Variants in MIPEP observed in about 807,000 individuals in gnomAD.
The protein encoded by MIPEP is mitochondrial intermediate peptidase.
MIPEP carries 79 observed loss-of-function variants against 90.3 expected under a neutral mutation model. That is an observed-to-expected ratio of 0.87 (90% CI 0.73 to 1.05). The LOEUF (loss-of-function observed/expected upper bound fraction) is 1.05, where lower values mean the gene tolerates loss of function less well. Among genes scored for constraint, MIPEP ranks in the 50% least tolerant of loss-of-function variants. The pLI is 0.00. For missense variants in MIPEP, 940 were observed against 905.6 expected (o/e 1.04, Z -0.49); for synonymous variants, 334 against 315.8 (o/e 1.06, Z -0.61).
chr13:23,785,972 A>AGTGAGG, intron 16 of MIPEP, among the ~76,000 whole-genome samples: 1 of 152,296 alleles, frequency 6.6e-6, no homozygotes, highest in African/African-American at 2.4e-5. Flanking sequence ...TAATCCTAGC[A>AGTGAGG]CTTTGGGAGG....
intron 16 of MIPEP, among the ~76,000 whole-genome samples, chr13:23,775,174 A>G (rs1952702246): frequency 1.3e-5 from 2 of 150,632 alleles, no homozygotes; most frequent in African/African-American, 4.9e-5. Context: ...AGGATTTTCT[A>G]TATACAAGAT....
intron 10 of MIPEP, among the ~76,000 whole-genome samples, chr13:23,846,433 A>G (rs1389320752): frequency 1.3e-5 from 2 of 152,178 alleles, no homozygotes; most frequent in Non-Finnish European, 2.9e-5. Flanking sequence ...AGGAAGTTCA[A>G]TATAGTTTGT....
intron 14 of MIPEP, among the ~76,000 whole-genome samples, chr13:23,820,903 G>A (rs1348942615): frequency 6.6e-6 from 1 of 152,204 alleles, no homozygotes; most frequent in Non-Finnish European, 1.5e-5. Context: ...TCTCCTCAAT[G>A]CATTAGCAGA....
chr13:23,870,374 A>G (rs189008061), intron 5 of MIPEP, among the ~76,000 whole-genome samples, 179 bp from the exon 6 acceptor site: 1 of 139,982 alleles, frequency 7.1e-6, no homozygotes, highest in Non-Finnish European at 1.5e-5. Context: ...TATTAATTTT[A>G]CTTTTAACAG....
At position 23,744,973 on chromosome 13, in the gene MIPEP, G is replaced by A. The variant is rs1165890335; in HGVS notation, c.2044+11572C>T. On this transcript the variant is annotated intron_variant, in intron 18 of 18. Coordinates refer to ENST00000382172, the MANE Select transcript of MIPEP (RefSeq NM_005932.4). ...CTTTTAAGAATTTTGTTAAAGCTCA[G>A]TTTTATTTAAACTGCTAGAAAGGGA... Among the ~76,000 whole-genome samples, 6 of 152,296 alleles carry A rather than the reference G, an allele frequency of 3.9e-5. No homozygotes were observed. The East Asian group carries it at 5.8e-4, about 15-fold the overall frequency.
At chr13:23,855,594 T>A (rs1165447753) in intron 10 of MIPEP, among the ~76,000 whole-genome samples, 6 of 152,200 alleles carry the variant, frequency 3.9e-5, no homozygotes, top group Non-Finnish European at 8.8e-5. Flanking sequence ...AAACCCAACC[T>A]ATGATATTTT....
In MIPEP at chr13:23,869,293, T is replaced by G; in HGVS notation, c.942A>C (p.Pro314=). 6.3e-7 allele frequency: 1 copy of G among 1,587,854 alleles called. No individual in the cohort carries two copies. The highest frequency in any genetic ancestry group is 8.5e-7 in the Non-Finnish European group (1 of 1,171,550). The part of the protein sequence containing the change: ...RALQGTIAKN[P]ETVMQFLEKL... ...TAAATGTTGGATAAACAGGCTTACC[T>G]GGATTTTTAGCTATCGTTCCTTGGA... The change falls in exon 7 of 19, where the codon CCA becomes CCC. Residue 314 remains proline (P), a splice_region_variant and synonymous_variant. Transcript: ENST00000382172.
chr13:23,885,566 T>C (rs1015154074), intron 2 of MIPEP, among the ~76,000 whole-genome samples: 2 of 151,954 alleles, frequency 1.3e-5, no homozygotes, highest in African/African-American at 4.8e-5. Context: ...CTCATGAATA[T>C]ATACATGTAC....
At chr13:23,829,683 T>A (rs1210434921) in intron 14 of MIPEP, among the ~76,000 whole-genome samples, 1 of 152,154 alleles carries the variant, frequency 6.6e-6, no homozygotes, top group Non-Finnish European at 1.5e-5. Flanking sequence ...GGCACATGAC[T>A]GTAGTCCCAG....
In MIPEP at chr13:23,754,151, G is replaced by A. The variant is rs529428163; in HGVS notation, c.2044+2394C>T. On this transcript the variant is annotated intron_variant, in intron 18 of 18. Coordinates refer to ENST00000382172, the MANE Select transcript of MIPEP (RefSeq NM_005932.4). The stretch of plus-strand genomic sequence containing the variant: ...GTATGCTTTTACATTACAAATCTCA[G>A]TAATTTCACCCATCACTCCTGGTAA... 2.0e-5 allele frequency among the ~76,000 whole-genome samples: 3 copies of A among 152,208 alleles called. No homozygotes were observed. The East Asian group carries it at 5.8e-4, about 29-fold the overall frequency.
chr13:23,780,508 A>G (rs1565991682), intron 16 of MIPEP, among the ~76,000 whole-genome samples: 1 of 152,220 alleles, frequency 6.6e-6, no homozygotes, highest in Non-Finnish European at 1.5e-5. Flanking sequence ...TGAGGAAAAA[A>G]CAGAGCAGAA....
intron 18 of MIPEP, among the ~76,000 whole-genome samples, chr13:23,752,123 C>A (rs1952447782): frequency 6.6e-6 from 1 of 152,158 alleles, no homozygotes; most frequent in South Asian, 2.1e-4. Context: ...GACAATATGA[C>A]CTGTGTTATA....
chr13:23,746,163 T>C (rs1952381211), intron 18 of MIPEP, among the ~76,000 whole-genome samples: 1 of 150,820 alleles, frequency 6.6e-6, no homozygotes, highest in South Asian at 2.1e-4. Flanking sequence ...TATACGTACA[T>C]GGACCACAGC....
chr13:23,744,150 C>G (rs895736147), intron 18 of MIPEP, among the ~76,000 whole-genome samples: 1 of 152,136 alleles, frequency 6.6e-6, no homozygotes, highest in Non-Finnish European at 1.5e-5. Context: ...GCGTTCATGC[C>G]TTTACATTCA....
At chr13:23,828,460 A>G (rs1868577685) in intron 14 of MIPEP, among the ~76,000 whole-genome samples, 1 of 152,256 alleles carries the variant, frequency 6.6e-6, no homozygotes, top group Admixed American at 6.5e-5. Context: ...CTGTGAATTA[A>G]TAAGAAAGTT....
intron 16 of MIPEP, among the ~76,000 whole-genome samples, chr13:23,773,932 TA>T (rs889121762): frequency 2.0e-5 from 3 of 152,050 alleles, no homozygotes; most frequent in Non-Finnish European, 2.9e-5. Context: ...CCCATTAAAA[TA>T]AAAAAAATCT....
At chr13:23,839,006 C>T (rs761338483) in intron 12 of MIPEP, among the ~76,000 whole-genome samples, 29 of 152,168 alleles carry the variant, frequency 1.9e-4, no homozygotes, top group Non-Finnish European at 3.7e-4. Flanking sequence ...TCTGTTATAA[C>T]TTATAACCTA....
intron 15 of MIPEP, among the ~76,000 whole-genome samples, chr13:23,806,708 A>C (rs9510866): frequency 0.36 from 54,273 of 148,964 alleles, 10,612 homozygotes; most frequent in African/African-American, 0.52. Flanking sequence ...ACAACAACAA[A>C]AAAATCTATA....
intron 16 of MIPEP, among the ~76,000 whole-genome samples, chr13:23,776,492 A>C (rs527934335): frequency 2.0e-5 from 3 of 152,226 alleles, no homozygotes; most frequent in Non-Finnish European, 4.4e-5. Context: ...CTCTATTTAT[A>C]ATAGTGTTCT....
Sources: gnomAD v4.1 joint callset for allele counts (sites outside exome capture counted in the v4.1 genomes callset) on GRCh38, gnomAD v4.1.1 for gene constraint, MANE v1.5 for transcripts, NCBI Gene and HGNC (gene_info 2026-07-23, HGNC 2026-07-21) for gene names.